LEPR: variants seen among roughly 807,000 people sequenced by gnomAD.
LEPR encodes the protein OB receptor.
Under a neutral mutation model 114.7 loss-of-function variants are expected in LEPR, and 56 were observed. The observed-to-expected ratio is 0.49, with a 90% CI of 0.39 to 0.61. The LOEUF (loss-of-function observed/expected upper bound fraction) is 0.61. LEPR is among the 20% of genes least tolerant of loss of function. The pLI is 0.00. For synonymous variants in LEPR, 443 were observed against 461.4 expected (o/e 0.96, Z 0.51); for missense variants, 1,202 against 1,352.9 (o/e 0.89, Z 1.75).
At chr1:65,446,481 G>T (rs1222669101) in intron 2 of LEPR, among the ~76,000 whole-genome samples, 5 of 152,288 alleles carry the variant, frequency 3.3e-5, no homozygotes, top group Admixed American at 1.3e-4. Context: ...GTTTTGGCCA[G>T]CTTCTTTACT....
intron 2 of LEPR, among the ~76,000 whole-genome samples, chr1:65,440,758 G>A (rs181898668): frequency 2.6e-5 from 4 of 152,222 alleles, no homozygotes; most frequent in East Asian, 1.9e-4. Flanking sequence ...GTAAGGCGTC[G>A]GCATTCATTT....
Position 65,633,404 on chromosome 1 carries a change from T to A in LEPR, c.2674-2787T>A. 4 of 1,325,826 alleles carry A rather than the reference T, an allele frequency of 3.0e-6. No individual in the cohort carries two copies. In the South Asian group the frequency reaches 9.3e-5, roughly 31 times the overall value. The allele number at this position is 1,325,826 out of a possible 1,614,324, so 82.1% of individuals were successfully genotyped here. On this transcript the variant is annotated intron_variant, in intron 19 of 19. Coordinates refer to ENST00000349533, the MANE Select transcript of LEPR (RefSeq NM_002303.6). The surrounding 1 kb of genome is among the most constrained non-coding windows in gnomAD (Gnocchi z 4.1). Reference sequence around the variant, plus strand: ...TTTGGATGTGTGATTAATTTTCAAATCATCTAAAGTTTAAAAGTAGTATTC... The same window carrying A: ...TTTGGATGTGTGATTAATTTTCAAAACATCTAAAGTTTAAAAGTAGTATTC...
intron 14 of LEPR, among the ~76,000 whole-genome samples, chr1:65,614,443 C>T (rs558425330): frequency 6.6e-6 from 1 of 152,190 alleles, no homozygotes; most frequent in Non-Finnish European, 1.5e-5. Flanking sequence ...GAAAAGGCCA[C>T]TTTGGAACTT....
chr1:65,626,598 C>CTT (rs11381520), intron 19 of LEPR, among the ~76,000 whole-genome samples: 1 of 151,962 alleles, frequency 6.6e-6, no homozygotes, highest in Non-Finnish European at 1.5e-5. Flanking sequence ...AATTCATTAA[C>CTT]TTTTTTCTCT....
chr1:65,421,220 G>A (rs1382025762), intron 1 of LEPR: 1 of 1,193,638 alleles, frequency 8.4e-7, no homozygotes, highest in Non-Finnish European at 1.1e-6. Flanking sequence ...CCGCGGGCGG[G>A]TGTCAATGGA....
intron 2 of LEPR, among the ~76,000 whole-genome samples, chr1:65,513,017 C>T (rs1649105980): frequency 6.6e-6 from 1 of 152,204 alleles, no homozygotes; most frequent in Admixed American, 6.5e-5. Context: ...AAAAGCTCTT[C>T]ACCTCCTTGA....
intron 2 of LEPR, among the ~76,000 whole-genome samples, chr1:65,448,194 C>T (rs1219983044): frequency 6.6e-6 from 1 of 152,142 alleles, no homozygotes; most frequent in Non-Finnish European, 1.5e-5. Context: ...GGAAGATCCA[C>T]TCCATTCCTA....
chr1:65,495,764 C>T lies in LEPR; in HGVS notation c.-20-69782C>T, dbSNP rs72921482. 8.0e-3 allele frequency among the ~76,000 whole-genome samples: 1,210 copies of T among 152,070 alleles called. 17 individuals are homozygous for T. Among genetic ancestry groups the T allele is most frequent in the African/African-American group, 0.028 (1,168 of 41,458 alleles). ...TGTCATTTGTGGCAACATGAATGAG[C>T]TTGGAGGATATATGTTAAGTGGAAT... On this transcript the variant is annotated intron_variant, in intron 2 of 19. Coordinates refer to ENST00000349533, the MANE Select transcript of LEPR (RefSeq NM_002303.6).
intron 5 of LEPR, among the ~76,000 whole-genome samples, chr1:65,588,665 T>G (rs1351848158): frequency 6.6e-6 from 1 of 152,058 alleles, no homozygotes; most frequent in East Asian, 1.9e-4. Context: ...ACTCTAGCAT[T>G]TTTTAGAACT....
At chr1:65,436,513 T>C (rs549088909) in intron 2 of LEPR, among the ~76,000 whole-genome samples, 1 of 152,336 alleles carries the variant, frequency 6.6e-6, no homozygotes, top group East Asian at 1.9e-4. Context: ...AAAGTTAAAC[T>C]TTTAATAGAA....
intron 16 of LEPR, among the ~76,000 whole-genome samples, chr1:65,618,726 C>A (rs1385597080): frequency 6.6e-6 from 1 of 152,080 alleles, no homozygotes; most frequent in Non-Finnish European, 1.5e-5. Context: ...CATATCATAT[C>A]AATTTTCTCC....
intron 2 of LEPR, among the ~76,000 whole-genome samples, chr1:65,477,866 C>CA (rs1647176434): frequency 6.6e-6 from 1 of 152,182 alleles, no homozygotes; most frequent in African/African-American, 2.4e-5. Flanking sequence ...GTACTGCTTT[C>CA]AGTGCTATTT....
chr1:65,635,804 GA>G (rs1658698710), intron 19 of LEPR, among the ~76,000 whole-genome samples: 1 of 152,162 alleles, frequency 6.6e-6, no homozygotes, highest in African/African-American at 2.4e-5. Context: ...AATATCTTCA[GA>G]AGATAGCATT....
intron 2 of LEPR, among the ~76,000 whole-genome samples, chr1:65,488,156 C>CTTCCTTCCTTCT (rs1647609961): frequency 1.3e-5 from 1 of 79,950 alleles, no homozygotes; most frequent in Admixed American, 1.4e-4. Context: ...TCCTTCCTTC[C>CTTCCTTCCTTCT]TTCCTTTCTT....
rs370121973 is a variant in LEPR, at chr1:65,636,335, G to C, written c.2818G>C (p.Val940Leu). ...AGATGAGATGATGCCAACAACTGTG[G>C]TCTCTCTACTTTCAACAACAGATCT... ...NKDEMMPTTV[V>L]SLLSTTDLEK... The change falls in exon 20 of 20, where the codon GTC becomes CTC. Residue 940 changes from valine (V) to leucine (L), a missense_variant. Transcript: ENST00000349533. The C allele has an allele frequency of 3.1e-6, 5 of 1,613,898 alleles. No individual in the cohort carries two copies. In the Admixed American group the frequency reaches 5.0e-5, roughly 16 times the overall value.
At chr1:65,433,049 G>T (rs1646509416) in intron 2 of LEPR, 1 of 985,440 alleles carries the variant, frequency 1.0e-6, no homozygotes, top group Middle Eastern at 5.2e-4. Context: ...CCACTGAGAT[G>T]CGGGCAGGGA....
intron 2 of LEPR, among the ~76,000 whole-genome samples, chr1:65,519,939 C>T (rs1649545460): frequency 6.6e-6 from 1 of 152,106 alleles, no homozygotes. Flanking sequence ...TCTCAGCTCA[C>T]TGCAACCTCC....
intron 3 of LEPR, 45 bp from the exon 4 acceptor site, chr1:65,570,428 C>T (rs775438541): frequency 5.1e-6 from 8 of 1,578,362 alleles, no homozygotes. Flanking sequence ...ATGTCTTAGT[C>T]AAAATGATTA....
At position 65,638,328 on chromosome 1, in the gene LEPR, TAA is replaced by T. The variant is rs932590515; in HGVS notation, c.*1314_*1315del. 1.1e-4 allele frequency: 16 copies of T among 152,212 alleles called. No individual in the cohort carries two copies. The highest frequency in any genetic ancestry group is 3.6e-4 in the African/African-American group (15 of 41,460). The allele number at this position is 152,212 out of a possible 1,614,324, so 9.4% of individuals were successfully genotyped here. ...CCTTTAACAACTTAAGATTAATACA[TAA>T]GTTTATTATTTATTCAACTTTTGGT... On this transcript the variant is annotated 3_prime_UTR_variant, in exon 20 of 20. Transcript: ENST00000349533.
Sources: allele counts gnomAD v4.1 joint callset (sites outside exome capture counted in the v4.1 genomes callset), GRCh38; gene constraint gnomAD v4.1.1; non-coding constraint Gnocchi (gnomAD v3.1); transcripts MANE v1.5; gene names NCBI Gene and HGNC (gene_info 2026-07-23, HGNC 2026-07-21).